SYDE2: variants seen among roughly 807,000 people sequenced by gnomAD.
SYDE2 encodes synapse defective Rho GTPase homolog 2.
In SYDE2, 76 loss-of-function variants were observed where a neutral mutation model predicts 91.5. The ratio of observed to expected loss-of-function variants is 0.83; its 90% confidence interval spans 0.69 to 1.01. The LOEUF (loss-of-function observed/expected upper bound fraction) is 1.01. Ranked by LOEUF, SYDE2 falls within the 50% of genes least tolerant of loss-of-function variation. The pLI is 0.00. For synonymous variants in SYDE2, 513 were observed against 506.4 expected (o/e 1.01, Z -0.18); for missense variants, 1,364 against 1,367.7 (o/e 1.00, Z 0.04).
intron 1 of SYDE2, among the ~76,000 whole-genome samples, chr1:85,195,583 C>G (rs1314183658): frequency 6.6e-6 from 1 of 151,678 alleles, no homozygotes; most frequent in East Asian, 1.9e-4. Flanking sequence ...AAAAAAAAAG[C>G]TGTGTGTTAG....
At chr1:85,178,764 T>C (rs1265539304) in intron 3 of SYDE2, among the ~76,000 whole-genome samples, 3 of 151,954 alleles carry the variant, frequency 2.0e-5, no homozygotes, top group African/African-American at 4.8e-5. Context: ...TAGTATACTA[T>C]ATAAAACTTT....
At chr1:85,156,804 C>T (rs1656892870), downstream of SYDE2, 1 of 152,092 alleles carries the variant, frequency 6.6e-6, no homozygotes, top group Non-Finnish European at 1.5e-5. Context: ...AATTTTAACA[C>T]CTTTGCTTAA....
chr1:85,166,743 T>C (rs902806615), intron 5 of SYDE2, among the ~76,000 whole-genome samples: 7 of 152,176 alleles, frequency 4.6e-5, no homozygotes, highest in African/African-American at 1.7e-4. Flanking sequence ...CCATATACAT[T>C]GGCCTCTTAA....
intron 4 of SYDE2, among the ~76,000 whole-genome samples, chr1:85,172,320 G>A (rs1188224897): frequency 6.6e-6 from 1 of 152,048 alleles, no homozygotes; most frequent in Non-Finnish European, 1.5e-5. Flanking sequence ...GGAGTGAGAA[G>A]ATATTAAGTA....
intron 4 of SYDE2, among the ~76,000 whole-genome samples, chr1:85,177,014 T>C (rs892296713): frequency 3.3e-5 from 5 of 152,156 alleles, no homozygotes; most frequent in Non-Finnish European, 5.9e-5. Flanking sequence ...CCTTTTCTTT[T>C]CTCATATAAT....
At chr1:85,169,001 C>G (rs934030989) in intron 5 of SYDE2, 43 bp downstream of exon 5, 3 of 1,552,836 alleles carry the variant, frequency 1.9e-6, no homozygotes, top group Non-Finnish European at 2.7e-6. Context: ...GTATACAGTT[C>G]ATTAACTGGC....
chr1:85,190,793 G>T (rs1346568940), intron 1 of SYDE2, 41 bp from the exon 2 acceptor site: 4 of 1,488,264 alleles, frequency 2.7e-6, no homozygotes, highest in Non-Finnish European at 3.6e-6. Context: ...ATAATGGCTG[G>T]TATATCAGAA....
intron 5 of SYDE2, among the ~76,000 whole-genome samples, chr1:85,166,034 CACTA>C (rs910498246): frequency 2.6e-5 from 4 of 151,904 alleles, no homozygotes; most frequent in Non-Finnish European, 5.9e-5. Flanking sequence ...ACACCATACC[CACTA>C]ATTTTTAAAA....
intron 6 of SYDE2, chr1:85,159,981 A>G (rs1347974398): frequency 1.0e-6 from 1 of 982,684 alleles, no homozygotes; most frequent in Non-Finnish European, 1.2e-6. Context: ...TGTGCTAGCC[A>G]TATAGACGAT....
At chr1:85,176,925 T>C (rs1018885376) in intron 4 of SYDE2, among the ~76,000 whole-genome samples, 1 of 152,156 alleles carries the variant, frequency 6.6e-6, no homozygotes, top group African/African-American at 2.4e-5. Context: ...AAAACAAATA[T>C]GGAATTATTA....
Position 85,178,264 on chromosome 1 carries a change from G to A in SYDE2, c.2553C>T (p.Gly851=). The change falls in exon 4 of 7, where the codon GGC becomes GGT. Residue 851 remains glycine, a synonymous_variant. Transcript: ENST00000341460. ...CTGCCGAACCACATAATCGATACAG[G>A]CCTACTACCTAGGAATAAAATTATG... The part of the protein sequence containing the change: ...EIEKRGCQVV[G]LYRLCGSAAV... 1 of 1,570,938 alleles carries A rather than the reference G, an allele frequency of 6.4e-7. No individual in the cohort carries two copies. The highest frequency in any genetic ancestry group is 8.6e-7 in the Non-Finnish European group (1 of 1,158,310).
chr1:85,196,442 G>A (rs1203958595), intron 1 of SYDE2, among the ~76,000 whole-genome samples: 1 of 152,102 alleles, frequency 6.6e-6, no homozygotes, highest in Admixed American at 6.5e-5. Flanking sequence ...GAGTGGCAAA[G>A]GTCTAGCAAA....
downstream of SYDE2, chr1:85,153,041 T>C (rs1394092233): frequency 6.6e-6 from 1 of 152,156 alleles, no homozygotes; most frequent in African/African-American, 2.4e-5. Context: ...TGAAGTGACA[T>C]TTGAGCAGAG....
At chr1:85,180,467 G>A (rs549465701) in intron 3 of SYDE2, among the ~76,000 whole-genome samples, 3 of 151,868 alleles carry the variant, frequency 2.0e-5, no homozygotes, top group African/African-American at 7.3e-5. Flanking sequence ...CGAGGCAGGC[G>A]GATCACAAGG....
chr1:85,190,538 A>G lies in SYDE2; in HGVS notation c.960T>C (p.Ser320=). ...ACTGTGATAGCTGATGTTTAGGTAG[A>G]GACACAGGTGAGATGGATAAATGAC... ...DRSHLSISPV[S]LPKHQLSQSF... The change falls in exon 2 of 7, where the codon TCT becomes TCC. Residue 320 remains serine, a synonymous_variant. Transcript: ENST00000341460. 2 of 1,614,056 alleles carry G rather than the reference A, an allele frequency of 1.2e-6. No individual in the cohort carries two copies. The highest frequency in any genetic ancestry group is 1.7e-6 in the Non-Finnish European group (2 of 1,179,888).
At position 85,164,635 on chromosome 1, in the gene SYDE2, C is replaced by T; in HGVS notation, c.2976G>A (p.Glu992=). ...AGACTCTGTTGTTATGGGTGGAAGG[C>T]TCTTGCCTCTGACTTAATAATACTG... ...FGPVLLSQRQ[E]PSTHNNRVFT... The change falls in exon 6 of 7, where the codon GAG becomes GAA. Residue 992 remains glutamate (E), a synonymous_variant. Coordinates refer to ENST00000341460, the MANE Select transcript of SYDE2 (RefSeq NM_032184.2). 6.2e-7 allele frequency: 1 copy of T among 1,600,650 alleles called. No homozygotes were observed.
chr1:85,159,795 A>G, intron 6 of SYDE2: 2 of 929,566 alleles, frequency 2.2e-6, no homozygotes, highest in Non-Finnish European at 2.6e-6. Flanking sequence ...GATAAAATGT[A>G]CAAATACTAG....
At chr1:85,187,833 A>G (rs1307892323) in intron 2 of SYDE2, among the ~76,000 whole-genome samples, 4 of 101,080 alleles carry the variant, frequency 4.0e-5, no homozygotes. Flanking sequence ...ACATGGACAC[A>G]GGAAGGGGAA....
In SYDE2 at chr1:85,200,624, T is replaced by C. The variant is rs1658791263; in HGVS notation, c.373A>G (p.Arg125Gly). The C allele has an allele frequency of 6.5e-7, 1 of 1,549,910 alleles. No homozygotes were observed. The change falls in exon 1 of 7, where the codon AGG becomes GGG. Residue 125 changes from arginine (R) to glycine (G), a missense_variant. Transcript: ENST00000341460. ...DWDEPPPRGG[R>G]MDGWSGDRAR... ...CGGTCCCCACTCCAGCCGTCCATCC[T>C]GCCTCCACGTGGCGGGGGCTCGTCC...
Sources: allele counts gnomAD v4.1 joint callset (sites outside exome capture counted in the v4.1 genomes callset), GRCh38; gene constraint gnomAD v4.1.1; transcripts MANE v1.5; gene names NCBI Gene and HGNC (gene_info 2026-07-23, HGNC 2026-07-21).